The following DIAPH3 variants were observed in gnomAD, a reference collection of about 807,000 sequenced individuals.
DIAPH3 encodes protein diaphanous homolog 3.
In DIAPH3, 117 loss-of-function variants were observed where a neutral mutation model predicts 144.3. That is an observed-to-expected ratio of 0.81 (90% confidence interval 0.70 to 0.95). The LOEUF (loss-of-function observed/expected upper bound fraction) is 0.95. DIAPH3 is among the 40% of genes least tolerant of loss of function. The pLI is 0.00. For missense variants in DIAPH3, 1,421 were observed against 1,412.7 expected (o/e 1.01, Z -0.09); for synonymous variants, 519 against 488.9 (o/e 1.06, Z -0.81).
At chr13:59,946,246 T>C (rs2048790625) in intron 17 of DIAPH3, among the ~76,000 whole-genome samples, 2 of 152,182 alleles carry the variant, frequency 1.3e-5, no homozygotes, top group Admixed American at 6.5e-5. Context: ...TGCAAAGCAT[T>C]GTGTTCCTAT....
chr13:60,022,360 T>C (rs958737092), intron 5 of DIAPH3, among the ~76,000 whole-genome samples: 1 of 152,204 alleles, frequency 6.6e-6, no homozygotes, highest in African/African-American at 2.4e-5. Context: ...TAGTCTTTCA[T>C]CAGTAAATAG....
chr13:59,690,190 G>A (rs1395579049), intron 27 of DIAPH3, among the ~76,000 whole-genome samples: 1 of 151,950 alleles, frequency 6.6e-6, no homozygotes, highest in Non-Finnish European at 1.5e-5. Context: ...AATTTCATTT[G>A]TCTGTGAGCA....
chr13:60,149,475 G>A (rs1594784311), intron 1 of DIAPH3, among the ~76,000 whole-genome samples: 1 of 152,162 alleles, frequency 6.6e-6, no homozygotes, highest in African/African-American at 2.4e-5. Flanking sequence ...AAAGAGCTAG[G>A]TGCAGTGGCT....
At chr13:60,007,004 T>C (rs917343797) in intron 9 of DIAPH3, among the ~76,000 whole-genome samples, 1 of 152,122 alleles carries the variant, frequency 6.6e-6, no homozygotes, top group African/African-American at 2.4e-5. Flanking sequence ...AACACTGTCA[T>C]CTGAAATGTC....
At chr13:59,847,077 T>A (rs1309121328) in intron 22 of DIAPH3, among the ~76,000 whole-genome samples, 1 of 152,044 alleles carries the variant, frequency 6.6e-6, no homozygotes, top group Non-Finnish European at 1.5e-5. Flanking sequence ...AGATCTTGTC[T>A]CAAAAAAAAG....
At chr13:59,768,402 A>G (rs1322796312) in intron 27 of DIAPH3, among the ~76,000 whole-genome samples, 1 of 152,180 alleles carries the variant, frequency 6.6e-6, no homozygotes, top group African/African-American at 2.4e-5. Context: ...GTAGTTGTCA[A>G]CATTTACTAC....
chr13:59,929,554 C>CTTTTT (rs1167902415), intron 17 of DIAPH3, among the ~76,000 whole-genome samples: 1 of 56,088 alleles, frequency 1.8e-5, no homozygotes, highest in Non-Finnish European at 3.4e-5. Flanking sequence ...AAATTTTGTT[C>CTTTTT]TTTTTTTTTT....
At chr13:60,014,153 T>C (rs1050901804) in intron 7 of DIAPH3, among the ~76,000 whole-genome samples, 1 of 152,146 alleles carries the variant, frequency 6.6e-6, no homozygotes, top group Non-Finnish European at 1.5e-5. Flanking sequence ...GATCCAAATG[T>C]CCCTTTGGTT....
chr13:59,946,550 C>T (rs895348842), intron 17 of DIAPH3, among the ~76,000 whole-genome samples: 1 of 152,078 alleles, frequency 6.6e-6, no homozygotes, highest in Admixed American at 6.6e-5. Context: ...ATATAGACAG[C>T]TAATTTGAAG....
At chr13:59,863,016 AG>A (rs2043691742) in intron 21 of DIAPH3, among the ~76,000 whole-genome samples, 1 of 152,170 alleles carries the variant, frequency 6.6e-6, no homozygotes, top group Non-Finnish European at 1.5e-5. Flanking sequence ...TAACATAAAC[AG>A]GTATGTAGAA....
In DIAPH3 at chr13:59,992,379, G is replaced by C. The variant is rs1405001312; in HGVS notation, c.1125+94C>G. On this transcript the variant is annotated intron_variant, in intron 10 of 27. Coordinates refer to ENST00000400324, the MANE Select transcript of DIAPH3 (RefSeq NM_001042517.2). ...TTTTTAACTCAAGCCTTTTCCCACA[G>C]ATAAATTATTCTTCAAGGTAATTTA... is the stretch of plus-strand genomic sequence containing the variant. 5.1e-6 allele frequency: 6 copies of C among 1,185,662 alleles called. No homozygotes were observed. In the East Asian group the frequency reaches 1.3e-4, roughly 25 times the overall value. The allele number at this position is 1,185,662 out of a possible 1,614,324, so 73.4% of individuals were successfully genotyped here.
intron 27 of DIAPH3, among the ~76,000 whole-genome samples, chr13:59,684,867 A>C (rs1424957629): frequency 1.3e-5 from 2 of 152,204 alleles, no homozygotes; most frequent in Non-Finnish European, 2.9e-5. Flanking sequence ...GTATCGTTAA[A>C]TTCCTGGTTA....
chr13:59,675,523 T>A (rs2032600945), intron 27 of DIAPH3, among the ~76,000 whole-genome samples: 1 of 152,262 alleles, frequency 6.6e-6, no homozygotes, highest in Non-Finnish European at 1.5e-5. Context: ...TAGCTGGGAC[T>A]ATAGGCGCCC....
At chr13:59,734,791 T>C (rs562676779) in intron 27 of DIAPH3, among the ~76,000 whole-genome samples, 1 of 152,320 alleles carries the variant, frequency 6.6e-6, no homozygotes, top group Non-Finnish European at 1.5e-5. Flanking sequence ...TCATTTTATT[T>C]TCAAATTTTA....
At chr13:59,683,332 G>A (rs1170476225) in intron 27 of DIAPH3, among the ~76,000 whole-genome samples, 2 of 151,904 alleles carry the variant, frequency 1.3e-5, no homozygotes, top group African/African-American at 4.8e-5. Flanking sequence ...GCAAAATTAG[G>A]GTCCATTTTG....
intron 4 of DIAPH3, among the ~76,000 whole-genome samples, chr13:60,092,900 T>G (rs2057996950): frequency 6.6e-6 from 1 of 152,234 alleles, no homozygotes; most frequent in African/African-American, 2.4e-5. Context: ...GTTAAGCTAC[T>G]TTTTCCTAAT....
chr13:60,098,193 A>G (rs1384637990), intron 3 of DIAPH3, among the ~76,000 whole-genome samples: 3 of 152,132 alleles, frequency 2.0e-5, no homozygotes, highest in African/African-American at 7.2e-5. Flanking sequence ...GCAGAGCCTG[A>G]AACAGGGATT....
intron 22 of DIAPH3, among the ~76,000 whole-genome samples, chr13:59,855,921 T>C (rs567554027): frequency 6.6e-6 from 1 of 151,836 alleles, no homozygotes; most frequent in African/African-American, 2.4e-5. Context: ...TATATGGATA[T>C]AGTGAGTAAA....
intron 9 of DIAPH3, among the ~76,000 whole-genome samples, chr13:60,002,366 A>G (rs893355833): frequency 6.6e-6 from 1 of 152,204 alleles, no homozygotes; most frequent in Admixed American, 6.5e-5. Flanking sequence ...CCCATAATAT[A>G]AAAGTAATAT....
Sources: gnomAD v4.1 joint callset for allele counts (sites outside exome capture counted in the v4.1 genomes callset) on GRCh38, gnomAD v4.1.1 for gene constraint, MANE v1.5 for transcripts, NCBI Gene and HGNC (gene_info 2026-07-23, HGNC 2026-07-21) for gene names.